SLC38A1: variants seen among roughly 807,000 people sequenced by gnomAD.
SLC38A1 encodes solute carrier family 38 member 1.
In SLC38A1, 18 loss-of-function variants were observed where a neutral mutation model predicts 60.3. That is an observed-to-expected ratio of 0.30 (90% confidence interval 0.21 to 0.44). The LOEUF (loss-of-function observed/expected upper bound fraction) is 0.44. Ranked by LOEUF, SLC38A1 falls within the 20% of genes least tolerant of loss-of-function variation. The pLI is 1.00. For missense variants in SLC38A1, 448 were observed against 587.2 expected (o/e 0.76, Z 2.45); for synonymous variants, 196 against 212.1 (o/e 0.92, Z 0.66).
chr12:46,190,730 T>G lies in SLC38A1; in HGVS notation c.1363-1659A>C, dbSNP rs568118908. Reference sequence around the variant, plus strand: ...CATGTGTCTGTTGACTGCATAAATGTCTTCTTTTGAGAAGTGTCTGTTCAT... The same window carrying G: ...CATGTGTCTGTTGACTGCATAAATGGCTTCTTTTGAGAAGTGTCTGTTCAT... On this transcript the variant is annotated intron_variant, in intron 16 of 16. Transcript: ENST00000398637. Among the ~76,000 whole-genome samples the G allele has an allele frequency of 2.0e-5, 3 of 152,354 alleles. No homozygotes were observed. The East Asian group carries it at 5.8e-4, about 29-fold the overall frequency.
chr12:46,227,272 A>T (rs773361973), intron 5 of SLC38A1, among the ~76,000 whole-genome samples: 13 of 152,186 alleles, frequency 8.5e-5, no homozygotes, highest in Non-Finnish European at 1.6e-4. Flanking sequence ...CAAAAATTTT[A>T]TTTTCAGTCA....
intron 1 of SLC38A1, among the ~76,000 whole-genome samples, chr12:46,261,151 A>T (rs1438974307): frequency 6.6e-6 from 1 of 152,124 alleles, no homozygotes; most frequent in African/African-American, 2.4e-5. Flanking sequence ...CTTAAGTATG[A>T]CCTTTCTTTC....
intron 14 of SLC38A1, 96 bp from the exon 15 acceptor site, chr12:46,198,156 T>A: frequency 7.4e-7 from 1 of 1,342,832 alleles, no homozygotes; most frequent in East Asian, 2.4e-5. Context: ...GCACAGGAAT[T>A]CATGAAATGT....
chr12:46,250,274 A>G (rs1267162008), intron 1 of SLC38A1, among the ~76,000 whole-genome samples: 2 of 152,244 alleles, frequency 1.3e-5, no homozygotes, highest in African/African-American at 4.8e-5. Context: ...AAGGCCTTCG[A>G]CAAAATTCAA....
chr12:46,266,662 A>G (rs757615756), intron 1 of SLC38A1, among the ~76,000 whole-genome samples: 1 of 152,118 alleles, frequency 6.6e-6, no homozygotes, highest in African/African-American at 2.4e-5. Flanking sequence ...GCCTACATTT[A>G]TATAGTCTAT....
chr12:46,188,886 T>C lies in SLC38A1; in HGVS notation c.*84A>G. 8.6e-7 allele frequency: 1 copy of C among 1,157,016 alleles called. No homozygotes were observed. The highest frequency in any genetic ancestry group is 2.4e-5 in the East Asian group (1 of 42,524). The allele number at this position is 1,157,016 out of a possible 1,614,324, so 71.7% of individuals were successfully genotyped here. The stretch of plus-strand genomic sequence containing the variant: ...TACATTTCTGTTTGCTTCTGTAAAC[T>C]TGCAAAAGAAGTGGTGAGAGATTGC... On this transcript the variant is annotated 3_prime_UTR_variant, in exon 17 of 17. Transcript: ENST00000398637.
intron 5 of SLC38A1, among the ~76,000 whole-genome samples, chr12:46,222,758 G>A (rs1940708791): frequency 6.6e-6 from 1 of 152,138 alleles, no homozygotes; most frequent in African/African-American, 2.4e-5. Flanking sequence ...AAAGCAATGG[G>A]AAATCTTAAA....
intron 5 of SLC38A1, among the ~76,000 whole-genome samples, chr12:46,215,938 C>T (rs1940392065): frequency 6.6e-6 from 1 of 152,166 alleles, no homozygotes. Context: ...CACTCCAAAA[C>T]TTACAGACAT....
intron 13 of SLC38A1, among the ~76,000 whole-genome samples, chr12:46,200,392 C>CAT (rs1201556611): frequency 2.0e-5 from 3 of 151,328 alleles, no homozygotes; most frequent in Non-Finnish European, 4.4e-5. Flanking sequence ...TATACACACA[C>CAT]ATATATATAC....
At chr12:46,202,542 CTT>C (rs1939708733) in intron 12 of SLC38A1, among the ~76,000 whole-genome samples, 1 of 152,152 alleles carries the variant, frequency 6.6e-6, no homozygotes, top group Non-Finnish European at 1.5e-5. Flanking sequence ...GCAATATTCT[CTT>C]TTCCTAGTTT....
At chr12:46,221,691 G>A (rs963391119) in intron 5 of SLC38A1, among the ~76,000 whole-genome samples, 11 of 152,164 alleles carry the variant, frequency 7.2e-5, no homozygotes, top group Non-Finnish European at 1.2e-4. Flanking sequence ...TCGTGTTAGC[G>A]GGAGGAAGAT....
rs568759315 is a variant in SLC38A1 at position 46,183,467 on chromosome 12, T to C, written c.*5503A>G. On this transcript the variant is annotated 3_prime_UTR_variant, in exon 17 of 17. Coordinates refer to ENST00000398637, the MANE Select transcript of SLC38A1 (RefSeq NM_030674.4). ...AGCTTGATTAGATAATGGTTCTTTG[T>C]TTTCTTTCCTTCAAATTTGTGCTCA... The C allele has an allele frequency of 1.3e-5, 2 of 152,322 alleles. No homozygotes were observed. Among genetic ancestry groups the C allele is most frequent in the South Asian group, 4.1e-4 (2 of 4,824 alleles). 9.4% of individuals were successfully genotyped at this position (152,322 alleles called of 1,614,324 possible).
chr12:46,229,752 C>T (rs1940999837), intron 3 of SLC38A1, 113 bp from the exon 4 acceptor site: 1 of 938,340 alleles, frequency 1.1e-6, no homozygotes, highest in Non-Finnish European at 1.7e-6. Flanking sequence ...CCAATCAGCT[C>T]TCTAAGAGTT....
chr12:46,186,032 G>A lies in SLC38A1; in HGVS notation c.*2938C>T, dbSNP rs976326627. ...CTTTAGCAAACCTATTACATTATTC[G>A]ATGTCAGCTAACCTATTGGTTTGAT... is the stretch of plus-strand genomic sequence containing the variant. On this transcript the variant is annotated 3_prime_UTR_variant, in exon 17 of 17. Transcript: ENST00000398637. 5 of 152,102 alleles carry A rather than the reference G, an allele frequency of 3.3e-5. No individual in the cohort carries two copies. Among genetic ancestry groups the A allele is most frequent in the East Asian group, 1.9e-4 (1 of 5,192 alleles). 9.4% of individuals were successfully genotyped at this position (152,102 alleles called of 1,614,324 possible).
intron 13 of SLC38A1, among the ~76,000 whole-genome samples, 184 bp from the exon 14 acceptor site, chr12:46,198,927 C>T (rs577077752): frequency 3.3e-4 from 50 of 152,086 alleles, no homozygotes; most frequent in Non-Finnish European, 4.7e-4. Flanking sequence ...ACTGTGCATA[C>T]GCGACTTAGC....
intron 1 of SLC38A1, among the ~76,000 whole-genome samples, chr12:46,256,198 A>G (rs1942017397): frequency 6.6e-6 from 1 of 150,994 alleles, no homozygotes; most frequent in East Asian, 2.0e-4. Flanking sequence ...TCAAAGCAGC[A>G]GTTTATGACC....
At chr12:46,256,634 C>CAGAGAGAGAGAGAGAGAG (rs538542582) in intron 1 of SLC38A1, among the ~76,000 whole-genome samples, 2 of 50,900 alleles carry the variant, frequency 3.9e-5, no homozygotes, top group Non-Finnish European at 7.8e-5. Flanking sequence ...CACACACACA[C>CAGAGAGAGAGAGAGAGAG]ACAGAGAGAG....
At chr12:46,257,171 T>C (rs1942059770) in intron 1 of SLC38A1, among the ~76,000 whole-genome samples, 1 of 152,138 alleles carries the variant, frequency 6.6e-6, no homozygotes, top group South Asian at 2.1e-4. Context: ...GAAAAAGCAT[T>C]CCGTGTCCCA....
At chr12:46,262,356 G>C (rs529906568) in intron 1 of SLC38A1, among the ~76,000 whole-genome samples, 1 of 151,690 alleles carries the variant, frequency 6.6e-6, no homozygotes, top group South Asian at 2.1e-4. Context: ...GGATATAGGA[G>C]GACAGACTGT....
Sources: allele counts gnomAD v4.1 joint callset (sites outside exome capture counted in the v4.1 genomes callset), GRCh38; gene constraint gnomAD v4.1.1; transcripts MANE v1.5; gene names NCBI Gene and HGNC (gene_info 2026-07-23, HGNC 2026-07-21).